EPC1: variants seen among roughly 807,000 people sequenced by gnomAD.
The protein encoded by EPC1 is enhancer of polycomb 1, also known as enhancer of polycomb homolog 1.
In EPC1, 12 loss-of-function variants were observed where a neutral mutation model predicts 98.4. That is an observed-to-expected ratio of 0.12 (90% CI 0.08 to 0.20). EPC1 has a LOEUF of 0.20. Among genes scored for constraint, EPC1 ranks in the 10% least tolerant of loss-of-function variants. The probability of loss-of-function intolerance (pLI) is 1.00; values close to 1 mark genes in which losing one functional copy is unlikely to be tolerated. For missense variants in EPC1, 729 were observed against 990.5 expected, an observed-to-expected ratio of 0.74 and a Z score of 3.54; for synonymous variants, 357 against 363.9, an observed-to-expected ratio of 0.98 and a Z score of 0.21.
intron 2 of EPC1, among the ~76,000 whole-genome samples, chr10:32,304,930 AAAAAAAG>A (rs1264383402): frequency 6.3e-4 from 95 of 151,736 alleles, no homozygotes; most frequent in African/African-American, 2.2e-3. Flanking sequence ...AAAAAAAAAA[AAAAAAAG>A]AAAAAAGAAA....
At chr10:32,361,955 A>G (rs982202574) in intron 1 of EPC1, among the ~76,000 whole-genome samples, 2 of 152,132 alleles carry the variant, frequency 1.3e-5, no homozygotes, top group Non-Finnish European at 2.9e-5. Flanking sequence ...GATGAGAGTG[A>G]CCTCTGCTAC....
chr10:32,348,435 T>C (rs529624461), upstream of EPC1, among the ~76,000 whole-genome samples: 5 of 152,282 alleles, frequency 3.3e-5, no homozygotes, highest in African/African-American at 1.2e-4. Context: ...GGGAACTACG[T>C]AGTAAAAGTA....
In EPC1 at chr10:32,284,765, T is replaced by G. The variant is rs17853656; in HGVS notation, c.1677A>C (p.Ala559=). 3 of 1,614,224 alleles carry G rather than the reference T, an allele frequency of 1.9e-6. No homozygotes were observed. Among genetic ancestry groups the G allele is most frequent in the Non-Finnish European group, 1.7e-6 (2 of 1,180,044 alleles). Residue 559 remains alanine, a synonymous_variant, in exon 10 of 14, where the codon GCA becomes GCC. Transcript: ENST00000319778. ...TACTGCATGTCTGGGTCCCAGGTTG[T>G]GCTGTTCCTGTTCGGTTTATACTCC... ...LYRSINRTGT[A]QPGTQTCSTS... is the part of the protein sequence containing the mutation.
intron 5 of EPC1, 75 bp from the exon 6 acceptor site, chr10:32,291,397 T>A: frequency 8.9e-7 from 1 of 1,126,690 alleles, no homozygotes; most frequent in Non-Finnish European, 1.2e-6. Context: ...TATACATTTA[T>A]ACTGTGAAAT....
chr10:32,271,314 G>C (rs978531223), intron 13 of EPC1, among the ~76,000 whole-genome samples: 5 of 151,976 alleles, frequency 3.3e-5, no homozygotes, highest in African/African-American at 1.2e-4. Context: ...AGTAAGAAAG[G>C]GATGTTCCAA....
chr10:32,289,685 G>A (rs1456678765), intron 6 of EPC1, among the ~76,000 whole-genome samples: 1 of 151,006 alleles, frequency 6.6e-6, no homozygotes, highest in South Asian at 2.1e-4. Flanking sequence ...GTGCAGTGGC[G>A]CGATCTCGGC....
chr10:32,350,202 G>A (rs1301205829), upstream of EPC1, among the ~76,000 whole-genome samples: 1 of 152,200 alleles, frequency 6.6e-6, no homozygotes, highest in Non-Finnish European at 1.5e-5. Context: ...AGGATTTGGA[G>A]TATTTAAGAT....
At chr10:32,300,434 CTT>C (rs775966421) in intron 2 of EPC1, among the ~76,000 whole-genome samples, 5 of 138,888 alleles carry the variant, frequency 3.6e-5, no homozygotes, top group South Asian at 2.3e-4. Context: ...CAATTCAACT[CTT>C]TTTTTTTTTT....
chr10:32,281,944 T>A (rs1010640844), intron 10 of EPC1: 5 of 152,230 alleles, frequency 3.3e-5, no homozygotes, highest in Non-Finnish European at 5.9e-5. Flanking sequence ...GTACTGGGAT[T>A]ACAGGCATGA....
chr10:32,272,862 C>A (rs540365815), intron 11 of EPC1: 42 of 604,318 alleles, frequency 6.9e-5, no homozygotes, highest in Non-Finnish European at 9.5e-5. Context: ...ATTAACATGC[C>A]CAAGAGAATG....
At chr10:32,330,871 T>C (rs1812173222) in intron 1 of EPC1, among the ~76,000 whole-genome samples, 1 of 151,034 alleles carries the variant, frequency 6.6e-6, no homozygotes, top group Admixed American at 6.6e-5. Flanking sequence ...AAAAAAAGCA[T>C]CTCCAAAAAA....
At chr10:32,300,492 G>A (rs1835446703) in intron 2 of EPC1, among the ~76,000 whole-genome samples, 1 of 149,774 alleles carries the variant, frequency 6.7e-6, no homozygotes, top group Non-Finnish European at 1.5e-5. Flanking sequence ...AGAGTGTAGT[G>A]GCGCGATCTC....
chr10:32,346,649 C>A, intron 1 of EPC1, 114 bp downstream of exon 1: 1 of 1,050,374 alleles, frequency 9.5e-7, no homozygotes, highest in Non-Finnish European at 1.4e-6. Flanking sequence ...GACTGAGAGT[C>A]GGCGGCGAAG....
At chr10:32,330,808 A>G (rs534484965) in intron 1 of EPC1, among the ~76,000 whole-genome samples, 23 of 152,322 alleles carry the variant, frequency 1.5e-4, no homozygotes, top group African/African-American at 5.5e-4. Flanking sequence ...TTAAGGTTCA[A>G]CTGAGAAATT....
At chr10:32,348,212 T>C (rs564626498), upstream of EPC1, among the ~76,000 whole-genome samples, 6 of 152,308 alleles carry the variant, frequency 3.9e-5, no homozygotes, top group Non-Finnish European at 8.8e-5. Context: ...ATATGATAGA[T>C]GGGTGGCATC....
At chr10:32,289,284 T>C (rs1318045030) in intron 6 of EPC1, among the ~76,000 whole-genome samples, 3 of 151,884 alleles carry the variant, frequency 2.0e-5, no homozygotes, top group Non-Finnish European at 4.4e-5. Flanking sequence ...AGAATAACTC[T>C]ACTCTCCCTC....
chr10:32,343,824 TGTTA>T (rs1838552725), intron 1 of EPC1, among the ~76,000 whole-genome samples: 1 of 152,206 alleles, frequency 6.6e-6, no homozygotes. Context: ...ATTTTCCCAA[TGTTA>T]AAAGACCTGG....
At chr10:32,338,280 C>T (rs1186597096) in intron 1 of EPC1, among the ~76,000 whole-genome samples, 1 of 152,190 alleles carries the variant, frequency 6.6e-6, no homozygotes, top group African/African-American at 2.4e-5. Context: ...AATCCACCAG[C>T]AAGTTCTGTT....
At chr10:32,327,771 A>ATT (rs1486411307) in intron 1 of EPC1, among the ~76,000 whole-genome samples, 1 of 152,152 alleles carries the variant, frequency 6.6e-6, no homozygotes, top group Non-Finnish European at 1.5e-5. Flanking sequence ...ACAAAAAAGT[A>ATT]TTTGTGGATC....
Sources: allele counts gnomAD v4.1 joint callset (sites outside exome capture counted in the v4.1 genomes callset), GRCh38; gene constraint gnomAD v4.1.1; transcripts MANE v1.5; gene names NCBI Gene and HGNC (gene_info 2026-07-23, HGNC 2026-07-21).